The following PCSK5 variants were observed in gnomAD, a reference collection of about 807,000 sequenced individuals.
PCSK5 encodes prohormone convertase 5.
PCSK5 carries 129 observed loss-of-function variants against 233.2 expected under a neutral mutation model. That is an observed-to-expected ratio of 0.55 (90% CI 0.48 to 0.64). The LOEUF (loss-of-function observed/expected upper bound fraction) is 0.64. PCSK5 is among the 30% of genes least tolerant of loss of function. PCSK5 has a pLI of 0.00. For missense variants in PCSK5, 2,076 were observed against 2,430.1 expected, an observed-to-expected ratio of 0.85 and a Z score of 3.06; for synonymous variants, 825 against 879.2, an observed-to-expected ratio of 0.94 and a Z score of 1.09.
intron 9 of PCSK5, among the ~76,000 whole-genome samples, chr9:76,130,897 T>C (rs980483134): frequency 1.3e-4 from 20 of 152,128 alleles, no homozygotes; most frequent in African/African-American, 3.6e-4. Context: ...GTTGTTCTTT[T>C]CTCCAGGTGG....
intron 3 of PCSK5, among the ~76,000 whole-genome samples, chr9:76,007,843 T>G (rs1423279910): frequency 6.6e-6 from 1 of 150,624 alleles, no homozygotes; most frequent in Non-Finnish European, 1.5e-5. Context: ...TGTGTGTGTA[T>G]TTTTTGTAGC....
At chr9:75,896,074 T>C (rs1309482686) in intron 1 of PCSK5, among the ~76,000 whole-genome samples, 1 of 152,200 alleles carries the variant, frequency 6.6e-6, no homozygotes, top group Admixed American at 6.5e-5. Context: ...CTGTGTGATA[T>C]ATCTGGCTTT....
chr9:76,038,760 C>G (rs1409202696), intron 5 of PCSK5, among the ~76,000 whole-genome samples: 1 of 152,172 alleles, frequency 6.6e-6, no homozygotes, highest in African/African-American at 2.4e-5. Context: ...TTAGATGCAG[C>G]TCCATTGACA....
chr9:76,039,654 C>T (rs1829009293), intron 5 of PCSK5, among the ~76,000 whole-genome samples: 1 of 152,160 alleles, frequency 6.6e-6, no homozygotes, highest in African/African-American at 2.4e-5. Context: ...CATGTTTGTA[C>T]TTGAAAAGTT....
intron 5 of PCSK5, among the ~76,000 whole-genome samples, chr9:76,042,185 C>A (rs767898763): frequency 6.6e-6 from 1 of 152,208 alleles, no homozygotes; most frequent in Non-Finnish European, 1.5e-5. Flanking sequence ...AAAGAAAAAA[C>A]ACCATGAAAT....
intron 37 of PCSK5, among the ~76,000 whole-genome samples, chr9:76,356,314 G>T (rs755005314): frequency 7.2e-5 from 11 of 152,100 alleles, no homozygotes; most frequent in Non-Finnish European, 1.3e-4. Context: ...GCAGCAATCT[G>T]CGAAAGTATA....
intron 5 of PCSK5, among the ~76,000 whole-genome samples, chr9:76,046,422 C>G (rs13301239): frequency 0.2 from 29,991 of 150,902 alleles, 3,167 homozygotes; most frequent in Non-Finnish European, 0.23. Context: ...ATGATCCGCC[C>G]GCCTCGGCCT....
At chr9:76,216,588 A>T (rs2131294211) in intron 20 of PCSK5, among the ~76,000 whole-genome samples, 1 of 152,224 alleles carries the variant, frequency 6.6e-6, no homozygotes, top group Non-Finnish European at 1.5e-5. Flanking sequence ...TTTCTGTCCA[A>T]TATTGGTTTA....
At chr9:76,351,525 A>AAGG (rs371181753) in intron 36 of PCSK5, among the ~76,000 whole-genome samples, 26 of 123,526 alleles carry the variant, frequency 2.1e-4, no homozygotes, top group East Asian at 1.4e-3. Context: ...AGAAAGAAAG[A>AAGG]AAGAAAGGAA....
chr9:76,061,269 A>G (rs1188757533), intron 5 of PCSK5, among the ~76,000 whole-genome samples: 1 of 152,178 alleles, frequency 6.6e-6, no homozygotes, highest in Non-Finnish European at 1.5e-5. Context: ...AAACTTGGCC[A>G]TTGGGTAAAT....
intron 22 of PCSK5, among the ~76,000 whole-genome samples, chr9:76,234,322 A>G (rs10869741): frequency 0.53 from 81,163 of 151,928 alleles, 22,128 homozygotes; most frequent in Middle Eastern, 0.58. Flanking sequence ...CTGGACCTGC[A>G]TTTCCCAAAT....
chr9:76,056,318 G>A (rs1028097551), intron 5 of PCSK5, among the ~76,000 whole-genome samples: 3 of 152,046 alleles, frequency 2.0e-5, no homozygotes, highest in East Asian at 1.9e-4. Flanking sequence ...CTTGTCTTCC[G>A]ATCTGGGATG....
intron 5 of PCSK5, among the ~76,000 whole-genome samples, chr9:76,046,127 CTT>C (rs1273547833): frequency 7.5e-6 from 1 of 132,562 alleles, no homozygotes; most frequent in African/African-American, 2.8e-5. Context: ...CAAATACTAA[CTT>C]TAGTAGCATT....
chr9:75,905,562 C>T (rs776302994), intron 1 of PCSK5, among the ~76,000 whole-genome samples: 22 of 152,128 alleles, frequency 1.4e-4, no homozygotes, highest in Non-Finnish European at 2.8e-4. Flanking sequence ...ACTTTGTAAA[C>T]ATACTAAAAA....
chr9:76,277,162 G>A (rs116074722), intron 24 of PCSK5, among the ~76,000 whole-genome samples: 228 of 152,170 alleles, frequency 1.5e-3, no homozygotes, highest in Middle Eastern at 6.8e-3. Context: ...TCTGGGAGCC[G>A]GAGGTTGCAG....
At chr9:76,173,491 G>A (rs929369449) in intron 13 of PCSK5, among the ~76,000 whole-genome samples, 4 of 45,344 alleles carry the variant, frequency 8.8e-5, no homozygotes, top group East Asian at 8.2e-4. Flanking sequence ...ATGGAGGCAC[G>A]TTTCCTTTTT....
chr9:75,955,861 C>A (rs1036094824), intron 2 of PCSK5, among the ~76,000 whole-genome samples: 1 of 152,140 alleles, frequency 6.6e-6, no homozygotes, highest in Admixed American at 6.6e-5. Flanking sequence ...TACCCTCCAA[C>A]GTGCTATCAC....
chr9:76,326,353 T>A (rs552464552), intron 32 of PCSK5, among the ~76,000 whole-genome samples: 1 of 151,844 alleles, frequency 6.6e-6, no homozygotes, highest in Non-Finnish European at 1.5e-5. Context: ...ACCACTGCAC[T>A]CTAGCCTGGG....
chr9:75,934,536 TGG>T (rs1823961187), intron 2 of PCSK5, among the ~76,000 whole-genome samples: 1 of 151,566 alleles, frequency 6.6e-6, no homozygotes, highest in Non-Finnish European at 1.5e-5. Flanking sequence ...TGTTGGGGGT[TGG>T]GGGAGCAAAG....
Sources: allele counts gnomAD v4.1 joint callset (sites outside exome capture counted in the v4.1 genomes callset), GRCh38; gene constraint gnomAD v4.1.1; transcripts MANE v1.5; gene names NCBI Gene and HGNC (gene_info 2026-07-23, HGNC 2026-07-21).